FSTL5: variants seen among roughly 807,000 people sequenced by gnomAD.
The protein encoded by FSTL5 is follistatin like 5, also known as follistatin-related protein 5.
In FSTL5, 62 loss-of-function variants were observed where a neutral mutation model predicts 89.1. That is an observed-to-expected ratio of 0.70 (90% CI 0.57 to 0.86). The LOEUF (loss-of-function observed/expected upper bound fraction) is 0.86, where lower values mean the gene tolerates loss of function less well. Among genes scored for constraint, FSTL5 ranks in the 40% least tolerant of loss-of-function variants. The pLI is 0.00. For synonymous variants in FSTL5, 383 were observed against 346.2 expected (o/e 1.11, Z -1.18); for missense variants, 1,057 against 1,001.6 (o/e 1.06, Z -0.75).
chr4:161,459,243 C>T lies in FSTL5; in HGVS notation c.1685G>A (p.Gly562Asp). The T allele has an allele frequency of 6.2e-7, 1 of 1,612,180 alleles. No homozygotes were observed. Among genetic ancestry groups the T allele is most frequent in the Admixed American group, 1.7e-5 (1 of 59,984 alleles). Residue 562 changes from glycine (G) to aspartate (D), a missense_variant, in exon 14 of 16, where the codon GGT becomes GAT. Physicochemically the swap from Gly to Asp is moderately conservative, Grantham distance 94 (BLOSUM62 -1). Transcript: ENST00000306100. ...TGTTGGTGATGTCTTCTCCAAGGTA[C>T]CCCAGCTTAGCACCCAGACCTGATC... Reference protein sequence around the residue: ...SHDQVWVLSWGTLEKTSPTLQ... With the variant: ...SHDQVWVLSWDTLEKTSPTLQ...
intron 3 of FSTL5, among the ~76,000 whole-genome samples, chr4:161,977,792 A>G (rs1354960106): frequency 6.6e-6 from 1 of 151,884 alleles, no homozygotes; most frequent in East Asian, 1.9e-4. Context: ...CTATCCCTTT[A>G]TAATCAGCCA....
At chr4:161,679,539 T>G (rs1288799239) in intron 6 of FSTL5, among the ~76,000 whole-genome samples, 2 of 151,866 alleles carry the variant, frequency 1.3e-5, no homozygotes, top group Non-Finnish European at 3.0e-5. Flanking sequence ...TACACTATGT[T>G]GGCTCTTGTA....
At chr4:161,475,099 A>G (rs2126442341) in intron 13 of FSTL5, among the ~76,000 whole-genome samples, 1 of 139,364 alleles carries the variant, frequency 7.2e-6, no homozygotes, top group Middle Eastern at 4.8e-3. Flanking sequence ...CATAGTTTCT[A>G]GTAATAAATC....
intron 4 of FSTL5, among the ~76,000 whole-genome samples, chr4:161,902,875 C>CA (rs1733411873): frequency 6.6e-6 from 1 of 151,884 alleles, no homozygotes; most frequent in Non-Finnish European, 1.5e-5. Context: ...TAATAATTTC[C>CA]AAAATAAAAA....
chr4:161,547,461 A>C (rs1224666390), intron 8 of FSTL5, among the ~76,000 whole-genome samples: 1 of 151,996 alleles, frequency 6.6e-6, no homozygotes, highest in Non-Finnish European at 1.5e-5. Flanking sequence ...TGAAGTCAGC[A>C]TAAACTTAAT....
chr4:161,984,798 C>T (rs946308278), intron 3 of FSTL5, among the ~76,000 whole-genome samples: 13 of 152,084 alleles, frequency 8.5e-5, no homozygotes, highest in African/African-American at 2.4e-4. Flanking sequence ...ACTAGTATAG[C>T]AGTGGTACAA....
chr4:161,891,367 A>T (rs1732982991), intron 4 of FSTL5, among the ~76,000 whole-genome samples: 1 of 152,118 alleles, frequency 6.6e-6, no homozygotes, highest in Non-Finnish European at 1.5e-5. Flanking sequence ...TTTAAGACAA[A>T]TGTTACTCTA....
At chr4:161,462,172 G>A (rs1269482785) in intron 13 of FSTL5, among the ~76,000 whole-genome samples, 1 of 152,152 alleles carries the variant, frequency 6.6e-6, no homozygotes, top group African/African-American at 2.4e-5. Flanking sequence ...CTTGTTGGAG[G>A]TCCTCCAGCC....
intron 10 of FSTL5, among the ~76,000 whole-genome samples, chr4:161,523,982 T>A (rs193001975): frequency 6.6e-6 from 1 of 152,212 alleles, no homozygotes; most frequent in East Asian, 1.9e-4. Flanking sequence ...GCCAGGACTC[T>A]TAAAATTTAA....
At chr4:161,734,793 A>G (rs955051015) in intron 6 of FSTL5, among the ~76,000 whole-genome samples, 6 of 152,166 alleles carry the variant, frequency 3.9e-5, no homozygotes, top group African/African-American at 1.4e-4. Context: ...GCACCAAGAG[A>G]GCAAGCAACT....
At chr4:161,424,978 A>T (rs1408591721) in intron 15 of FSTL5, among the ~76,000 whole-genome samples, 1 of 152,168 alleles carries the variant, frequency 6.6e-6, no homozygotes, top group Non-Finnish European at 1.5e-5. Context: ...TTCCCACCTT[A>T]CAAAATTCAC....
intron 4 of FSTL5, among the ~76,000 whole-genome samples, chr4:161,899,951 A>C (rs1733298369): frequency 6.6e-6 from 1 of 152,066 alleles, no homozygotes; most frequent in Non-Finnish European, 1.5e-5. Flanking sequence ...TACCAGCAAA[A>C]TTGGTGGTCA....
intron 4 of FSTL5, among the ~76,000 whole-genome samples, chr4:161,902,268 T>C (rs1244640039): frequency 6.6e-6 from 1 of 152,210 alleles, no homozygotes; most frequent in Non-Finnish European, 1.5e-5. Flanking sequence ...TTATATTAAT[T>C]CACTGAGTTG....
chr4:162,157,493 C>A (rs1023631292), intron 1 of FSTL5, among the ~76,000 whole-genome samples: 1 of 151,920 alleles, frequency 6.6e-6, no homozygotes, highest in Admixed American at 6.6e-5. Flanking sequence ...ATAATTGTAG[C>A]TGCTGGAGTG....
In FSTL5 at chr4:161,463,496, T is replaced by A. The variant is rs147896850; in HGVS notation, c.1609-4177A>T. Among the ~76,000 whole-genome samples, 487 of 152,318 alleles carry A rather than the reference T, an allele frequency of 3.2e-3. 1 individual carries two copies. The highest frequency in any genetic ancestry group is 0.027 in the Middle Eastern group (8 of 294). ...AATGATAAAAATATTTCCAAATGAC[T>A]ATCTTCAGGATAATACTTCCATGAC... On this transcript the variant is annotated intron_variant, in intron 13 of 15. Coordinates refer to ENST00000306100, the MANE Select transcript of FSTL5 (RefSeq NM_020116.5).
At chr4:161,963,813 C>A (rs1735247447) in intron 3 of FSTL5, among the ~76,000 whole-genome samples, 1 of 151,916 alleles carries the variant, frequency 6.6e-6, no homozygotes, top group Non-Finnish European at 1.5e-5. Flanking sequence ...ATCTTTCCTG[C>A]TCATGCTTGA....
At chr4:162,147,992 C>T (rs1043388991) in intron 1 of FSTL5, among the ~76,000 whole-genome samples, 11 of 151,888 alleles carry the variant, frequency 7.2e-5, no homozygotes, top group African/African-American at 2.2e-4. Context: ...GCAACAAGAG[C>T]GAAACTCTGC....
intron 15 of FSTL5, among the ~76,000 whole-genome samples, chr4:161,397,580 TTATA>T (rs1404519062): frequency 6.6e-6 from 1 of 151,324 alleles, no homozygotes; most frequent in African/African-American, 2.4e-5. Context: ...GTGAATAAAA[TTATA>T]TATAGTATTT....
At chr4:161,481,680 T>C (rs1009893969) in intron 12 of FSTL5, among the ~76,000 whole-genome samples, 1 of 152,196 alleles carries the variant, frequency 6.6e-6, no homozygotes, top group African/African-American at 2.4e-5. Context: ...AAGATAGTTA[T>C]TCACAATGGT....
Sources: gnomAD v4.1 joint callset for allele counts (sites outside exome capture counted in the v4.1 genomes callset) on GRCh38, gnomAD v4.1.1 for gene constraint, MANE v1.5 for transcripts, NCBI Gene and HGNC (gene_info 2026-07-23, HGNC 2026-07-21) for gene names.